FSIP1: variants seen among roughly 807,000 people sequenced by gnomAD.
FSIP1 encodes the protein fibrous sheath-interacting protein 1.
Under a neutral mutation model 60.9 loss-of-function variants are expected in FSIP1, and 65 were observed. That is an observed-to-expected ratio of 1.07 (90% confidence interval 0.87 to 1.31). The LOEUF is 1.31. Among genes scored for constraint, FSIP1 ranks in the 40% most tolerant of loss-of-function variants. The pLI is 0.00. For synonymous variants in FSIP1, 209 were observed against 221.2 expected, an observed-to-expected ratio of 0.94 and a Z score of 0.49; for missense variants, 675 against 665.5, an observed-to-expected ratio of 1.01 and a Z score of -0.16.
chr15:39,627,972 T>A (rs1350411988), intron 10 of FSIP1, among the ~76,000 whole-genome samples: 3 of 152,226 alleles, frequency 2.0e-5, no homozygotes, highest in African/African-American at 7.2e-5. Context: ...AGCACAGGGT[T>A]AGCAGCTCCA....
At chr15:39,730,336 C>T (rs1210542874) in intron 8 of FSIP1, among the ~76,000 whole-genome samples, 1 of 152,168 alleles carries the variant, frequency 6.6e-6, no homozygotes, top group African/African-American at 2.4e-5. Flanking sequence ...ACACACTTGA[C>T]TTACCCACAT....
At chr15:39,678,771 C>T (rs1156350891) in intron 10 of FSIP1, among the ~76,000 whole-genome samples, 1 of 152,094 alleles carries the variant, frequency 6.6e-6, no homozygotes, top group African/African-American at 2.4e-5. Flanking sequence ...ACATTCCATC[C>T]CTATTGGAAA....
At chr15:39,759,168 C>A (rs1261426211) in intron 5 of FSIP1, among the ~76,000 whole-genome samples, 1 of 151,484 alleles carries the variant, frequency 6.6e-6, no homozygotes, top group Non-Finnish European at 1.5e-5. Flanking sequence ...AAATGACTAA[C>A]TAGAGCAAGA....
intron 10 of FSIP1, among the ~76,000 whole-genome samples, chr15:39,630,216 T>A (rs1335995645): frequency 4.6e-5 from 7 of 152,240 alleles, no homozygotes; most frequent in African/African-American, 9.6e-5. Context: ...GAAATCATGC[T>A]ACTGCTGAGA....
chr15:39,702,824 C>T (rs1895113078), intron 10 of FSIP1, among the ~76,000 whole-genome samples: 1 of 151,730 alleles, frequency 6.6e-6, no homozygotes, highest in African/African-American at 2.4e-5. Flanking sequence ...CAGCACATGG[C>T]CTCTACCAAT....
At chr15:39,633,870 A>C (rs1382831537) in intron 10 of FSIP1, among the ~76,000 whole-genome samples, 1 of 152,168 alleles carries the variant, frequency 6.6e-6, no homozygotes, top group Non-Finnish European at 1.5e-5. Flanking sequence ...AGGTGAAAAA[A>C]CTCCAACAGC....
Position 39,618,126 on chromosome 15 carries a change from G to T in FSIP1, c.1308C>A (p.Asp436Glu), listed in dbSNP as rs773409261. 3.1e-6 allele frequency: 5 copies of T among 1,614,028 alleles called. No individual in the cohort carries two copies. The highest frequency in any genetic ancestry group is 4.2e-6 in the Non-Finnish European group (5 of 1,180,004). The change falls in exon 11 of 12, where the codon GAC (aspartate) becomes GAA (glutamate). Residue 436 changes from aspartate to glutamate, a missense_variant. Physicochemically the swap from Asp to Glu is conservative, Grantham distance 45. Transcript: ENST00000350221. ...SSERKKEDIEDVTPVFPQLSR... is the reference protein window; with the variant it reads ...SSERKKEDIEEVTPVFPQLSR... ...AAAGCTGGGGGAACACAGGTGTTAC[G>T]TCCTCAATGTCTTCCTTTTTTCTTT... is the stretch of plus-strand genomic sequence containing the variant.
intron 10 of FSIP1, among the ~76,000 whole-genome samples, chr15:39,680,527 T>C (rs2140485949): frequency 6.6e-6 from 1 of 152,310 alleles, no homozygotes; most frequent in East Asian, 1.9e-4. Context: ...ACGCACAACT[T>C]CTCAGTCATG....
chr15:39,647,863 T>G (rs1262022191), intron 10 of FSIP1, among the ~76,000 whole-genome samples: 1 of 152,196 alleles, frequency 6.6e-6, no homozygotes, highest in African/African-American at 2.4e-5. Flanking sequence ...GGAAAAATAC[T>G]GCATGACATA....
intron 10 of FSIP1, among the ~76,000 whole-genome samples, chr15:39,696,861 A>C (rs1202798809): frequency 8.6e-6 from 1 of 116,630 alleles, no homozygotes; most frequent in African/African-American, 3.6e-5. Context: ...GAGGAGGGGG[A>C]AGGGGTGTCT....
At chr15:39,667,089 A>G in intron 10 of FSIP1, among the ~76,000 whole-genome samples, 1 of 152,218 alleles carries the variant, frequency 6.6e-6, no homozygotes, top group East Asian at 1.9e-4. Flanking sequence ...ATTGATCAGG[A>G]GAGCTCTGAG....
At chr15:39,708,000 A>G (rs1476156211) in intron 10 of FSIP1, among the ~76,000 whole-genome samples, 1 of 152,224 alleles carries the variant, frequency 6.6e-6, no homozygotes, top group East Asian at 1.9e-4. Context: ...GACAAACATC[A>G]CTGGTATGGG....
At chr15:39,758,873 G>A (rs1175562247) in intron 5 of FSIP1, among the ~76,000 whole-genome samples, 1 of 151,802 alleles carries the variant, frequency 6.6e-6, no homozygotes, top group Non-Finnish European at 1.5e-5. Context: ...TAGAAAATCT[G>A]AAAATAAACC....
At chr15:39,703,311 A>C (rs1399065149) in intron 10 of FSIP1, among the ~76,000 whole-genome samples, 4 of 152,206 alleles carry the variant, frequency 2.6e-5, no homozygotes, top group African/African-American at 9.7e-5. Flanking sequence ...GTGCCTCTCA[A>C]GATATGGCAC....
rs1898061162 is a variant in FSIP1 at position 39,776,270 on chromosome 15, T to G, written c.126+129A>C. 9 of 743,410 alleles carry G rather than the reference T, an allele frequency of 1.2e-5. No homozygotes were observed. The South Asian group carries it at 2.2e-4, about 18-fold the overall frequency. 46.1% of individuals were successfully genotyped at this position (743,410 alleles called of 1,614,324 possible). ...TTAATCTAGATTAAAATCCAAGAAA[T>G]CTGCAAGTGCTCCCCAAACACACCG... On this transcript the variant is annotated intron_variant, in intron 2 of 11. Transcript: ENST00000350221.
chr15:39,613,376 G>GA (rs1891104636), intron 11 of FSIP1, among the ~76,000 whole-genome samples: 1 of 151,728 alleles, frequency 6.6e-6, no homozygotes, highest in South Asian at 2.1e-4. Context: ...CAGATTCCTG[G>GA]ACACATACAT....
chr15:39,641,719 T>C (rs931975919), intron 10 of FSIP1, among the ~76,000 whole-genome samples: 2 of 152,184 alleles, frequency 1.3e-5, no homozygotes, highest in African/African-American at 2.4e-5. Flanking sequence ...TTACATGATT[T>C]AAGGCCAAAA....
intron 10 of FSIP1, among the ~76,000 whole-genome samples, chr15:39,631,071 C>A (rs1216592053): frequency 6.6e-6 from 1 of 152,208 alleles, no homozygotes; most frequent in African/African-American, 2.4e-5. Flanking sequence ...GGCACCAGGT[C>A]CTCCTCATCT....
At chr15:39,764,735 T>C (rs969635715) in intron 4 of FSIP1, among the ~76,000 whole-genome samples, 1 of 152,124 alleles carries the variant, frequency 6.6e-6, no homozygotes, top group African/African-American at 2.4e-5. Context: ...CAGAAGCAAA[T>C]GAAGTATGGT....
Sources: allele counts gnomAD v4.1 joint callset (sites outside exome capture counted in the v4.1 genomes callset), GRCh38; gene constraint gnomAD v4.1.1; transcripts MANE v1.5; gene names NCBI Gene and HGNC (gene_info 2026-07-23, HGNC 2026-07-21).